The following LAMA1 variants were observed in gnomAD, a reference collection of about 807,000 sequenced individuals.
The protein encoded by LAMA1 is laminin subunit alpha-1.
LAMA1 carries 219 observed loss-of-function variants against 348.7 expected under a neutral mutation model. That is an observed-to-expected ratio of 0.63 (90% CI 0.56 to 0.70). The LOEUF (loss-of-function observed/expected upper bound fraction) is 0.70. LAMA1 is among the 30% of genes least tolerant of loss of function. The pLI is 0.00. For missense variants in LAMA1, 3,744 were observed against 3,888.0 expected (o/e 0.96, Z 0.99); for synonymous variants, 1,487 against 1,491.0 (o/e 1.00, Z 0.06).
At chr18:7,024,993 T>C (rs1172256869) in intron 17 of LAMA1, among the ~76,000 whole-genome samples, 1 of 152,156 alleles carries the variant, frequency 6.6e-6, no homozygotes, top group Non-Finnish European at 1.5e-5. Flanking sequence ...TCCTAAACCT[T>C]GAGGATCCTG....
intron 9 of LAMA1, 152 bp from the exon 10 acceptor site, chr18:7,040,388 TTGTTCGAACACA>T (rs2058015357): frequency 2.0e-5 from 15 of 758,008 alleles, no homozygotes; most frequent in Non-Finnish European, 3.3e-5. Flanking sequence ...TCAGCCATTA[TTGTTCGAACACA>T]GCCATAGAGA....
At position 7,011,321 on chromosome 18, in the gene LAMA1, C is replaced by A; in HGVS notation, c.3666G>T (p.Pro1222=). The part of the protein sequence containing the change: ...IRAEPFYWRL[P]QQFQGDQLMA... ...TCACCTGGTCTCCTTGGAACTGCTGCGGCAGCCGCCAGTAAAACGGCTCTG... is the reference window on the plus strand; with the variant it reads ...TCACCTGGTCTCCTTGGAACTGCTGAGGCAGCCGCCAGTAAAACGGCTCTG... Residue 1222 remains proline (P), a synonymous_variant, in exon 25 of 63, where the codon CCG becomes CCT. Transcript: ENST00000389658. The A allele has an allele frequency of 6.2e-7, 1 of 1,607,340 alleles. No individual in the cohort carries two copies. Among genetic ancestry groups the A allele is most frequent in the Non-Finnish European group, 8.5e-7 (1 of 1,177,818 alleles).
intron 1 of LAMA1, among the ~76,000 whole-genome samples, chr18:7,092,281 A>G (rs1434933757): frequency 6.6e-6 from 1 of 152,142 alleles, no homozygotes; most frequent in Non-Finnish European, 1.5e-5. Flanking sequence ...ATTGTCTCCA[A>G]TTCTTTGCCT....
At chr18:7,061,265 C>T (rs2058101022) in intron 3 of LAMA1, among the ~76,000 whole-genome samples, 1 of 152,158 alleles carries the variant, frequency 6.6e-6, no homozygotes, top group Admixed American at 6.5e-5. Flanking sequence ...ATAATTGTTC[C>T]TGTTGCTCAA....
At chr18:6,967,738 A>C (rs2057639982) in intron 48 of LAMA1, among the ~76,000 whole-genome samples, 1 of 152,020 alleles carries the variant, frequency 6.6e-6, no homozygotes, top group Non-Finnish European at 1.5e-5. Flanking sequence ...CCAGGTTTCA[A>C]ACAAAACTCC....
At chr18:6,968,279 T>C (rs2057642692) in intron 48 of LAMA1, among the ~76,000 whole-genome samples, 1 of 152,144 alleles carries the variant, frequency 6.6e-6, no homozygotes, top group Non-Finnish European at 1.5e-5. Flanking sequence ...TCACCAGACC[T>C]CCCTGATTCT....
rs185287261 is a variant in LAMA1, at chr18:7,060,265, A to C, written c.346-9329T>G. Among the ~76,000 whole-genome samples the C allele has an allele frequency of 4.0e-5, 6 of 151,012 alleles. No individual in the cohort carries two copies. In the East Asian group the frequency reaches 8.1e-4, roughly 20 times the overall value. On this transcript the variant is annotated intron_variant, in intron 3 of 62. Coordinates refer to ENST00000389658, the MANE Select transcript of LAMA1 (RefSeq NM_005559.4). ...TTAACTGTTATCTCATTTTAGGAGC[A>C]GCATACTCAACAGACAAAAAGAAAC...
chr18:7,064,745 T>G (rs2058115666), intron 3 of LAMA1, among the ~76,000 whole-genome samples: 1 of 152,198 alleles, frequency 6.6e-6, no homozygotes, highest in Non-Finnish European at 1.5e-5. Context: ...TTAACTGACA[T>G]TTTTTTGTGC....
chr18:7,102,051 T>C (rs761719379), intron 1 of LAMA1, among the ~76,000 whole-genome samples: 1 of 152,196 alleles, frequency 6.6e-6, no homozygotes, highest in Non-Finnish European at 1.5e-5. Context: ...TTTATTTTAA[T>C]ATTGAATTTG....
chr18:6,990,534 G>A lies in LAMA1; in HGVS notation c.5168+2027C>T, dbSNP rs888929586. Among the ~76,000 whole-genome samples, 5 of 152,176 alleles carry A rather than the reference G, an allele frequency of 3.3e-5. No individual in the cohort carries two copies. In the South Asian group the frequency reaches 8.3e-4, roughly 25 times the overall value. Reference sequence around the variant, plus strand: ...TGGGAAGCCCTGGTTGGAGCTGCCCGAGAAGAGCACAGCTGAAGCCTCAGT... The same window carrying A: ...TGGGAAGCCCTGGTTGGAGCTGCCCAAGAAGAGCACAGCTGAAGCCTCAGT... On this transcript the variant is annotated intron_variant, in intron 36 of 62. Coordinates refer to ENST00000389658, the MANE Select transcript of LAMA1 (RefSeq NM_005559.4).
In LAMA1 at chr18:6,976,141, C is replaced by A. The variant is rs943629512; in HGVS notation, c.6346-61G>T. 17 of 1,541,164 alleles carry A rather than the reference C, an allele frequency of 1.1e-5. No homozygotes were observed. The Admixed American group carries it at 2.8e-4, about 26-fold the overall frequency. Reference sequence around the variant, plus strand: ...GTGACACACACCGGCAGCTCACCAGCAGCTCAACAATGCTATTCTGTAATG... The same window carrying A: ...GTGACACACACCGGCAGCTCACCAGAAGCTCAACAATGCTATTCTGTAATG... On this transcript the variant is annotated intron_variant, in intron 44 of 62. Transcript: ENST00000389658.
chr18:7,033,050 G>C lies in LAMA1; in HGVS notation c.2097C>G (p.Asp699Glu), dbSNP rs531537646. ...GCTCCACATCAGCGGCCACCACCAG[G>C]TCGATGGCATTAGAGCTGGCTATGT... The part of the protein sequence containing the change: ...SLDIASSNAI[D>E]LVVAADVEHC... The change falls in exon 15 of 63, where the codon GAC (aspartate) becomes GAG (glutamate). Residue 699 changes from aspartate (D) to glutamate (E), a missense_variant. Asp to Glu is a conservative substitution (Grantham distance 45, BLOSUM62 2). Coordinates refer to ENST00000389658, the MANE Select transcript of LAMA1 (RefSeq NM_005559.4). The C allele has an allele frequency of 1.9e-6, 3 of 1,612,496 alleles. No individual in the cohort carries two copies. In the Admixed American group the frequency reaches 5.0e-5, roughly 27 times the overall value.
At chr18:6,962,087 C>G in intron 51 of LAMA1, 28 bp from the exon 52 acceptor site, 2 of 1,554,462 alleles carry the variant, frequency 1.3e-6, no homozygotes, top group Non-Finnish European at 1.8e-6. Context: ...AGAACAATCA[C>G]AAAATTTGGG....
chr18:7,098,895 C>A lies in LAMA1; in HGVS notation c.62-18438G>T, dbSNP rs1284553268. On this transcript the variant is annotated intron_variant, in intron 1 of 62. Coordinates refer to ENST00000389658, the MANE Select transcript of LAMA1 (RefSeq NM_005559.4). The stretch of plus-strand genomic sequence containing the variant: ...GCCGCCCCGTCCGGGAGGTGAGGGG[C>A]GCCTCTGCCCGGCCGCCCCTACTGG... Among the ~76,000 whole-genome samples, 413 of 148,712 alleles carry A rather than the reference C, an allele frequency of 2.8e-3. 2 individuals are homozygous for A. The highest frequency in any genetic ancestry group is 8.8e-3 in the African/African-American group (352 of 40,126).
intron 39 of LAMA1, among the ~76,000 whole-genome samples, chr18:6,984,100 G>C (rs2144055130): frequency 6.6e-6 from 1 of 152,102 alleles, no homozygotes; most frequent in Admixed American, 6.5e-5. Context: ...TTTCTCTTTG[G>C]GGGAAATGAT....
chr18:7,048,006 A>C (rs557630005), intron 5 of LAMA1, among the ~76,000 whole-genome samples: 2 of 152,224 alleles, frequency 1.3e-5, no homozygotes, highest in African/African-American at 4.8e-5. Flanking sequence ...AGCATTAATC[A>C]TAAAAGAAAA....
intron 1 of LAMA1, among the ~76,000 whole-genome samples, chr18:7,096,305 T>C (rs1156942860): frequency 2.0e-5 from 3 of 152,170 alleles, no homozygotes; most frequent in Non-Finnish European, 4.4e-5. Flanking sequence ...GTAAAATCAG[T>C]GGATTGTTAA....
chr18:7,046,068 A>C (rs1443786942), intron 6 of LAMA1, among the ~76,000 whole-genome samples: 1 of 152,322 alleles, frequency 6.6e-6, no homozygotes, highest in East Asian at 1.9e-4. Flanking sequence ...CACATAAAAA[A>C]ATCATTGTAA....
Position 7,016,594 on chromosome 18 carries a change from G to A in LAMA1, c.2886C>T (p.Gly962=), listed in dbSNP as rs1460302912. 1.9e-6 allele frequency: 3 copies of A among 1,614,144 alleles called. No individual in the cohort carries two copies. The highest frequency in any genetic ancestry group is 1.6e-4 in the Middle Eastern group (1 of 6,062). The part of the protein sequence containing the change: ...NCSVAGSVSD[G]CTDEGQCHCV... ...AGTGACACTGGCCTTCATCCGTGCA[G>A]CCATCTGACACGGAGCCTGCCACGC... Residue 962 remains glycine (G), a synonymous_variant, in exon 21 of 63, where the codon GGC becomes GGT. Transcript: ENST00000389658.
Sources: gnomAD v4.1 joint callset for allele counts (sites outside exome capture counted in the v4.1 genomes callset) on GRCh38, gnomAD v4.1.1 for gene constraint, MANE v1.5 for transcripts, NCBI Gene and HGNC (gene_info 2026-07-23, HGNC 2026-07-21) for gene names.